The following AGO3 variants were observed in gnomAD, a reference collection of about 807,000 sequenced individuals.
The protein encoded by AGO3 is argonaute RISC catalytic component 3, also known as protein argonaute-3.
In AGO3, 16 loss-of-function variants were observed where a neutral mutation model predicts 105.5. The ratio of observed to expected loss-of-function variants is 0.15; its 90% CI spans 0.10 to 0.23. The LOEUF (loss-of-function observed/expected upper bound fraction) is 0.23. Ranked by LOEUF, AGO3 falls within the 10% of genes least tolerant of loss-of-function variation. AGO3 has a pLI of 1.00. For missense variants in AGO3, 534 were observed against 1,088.0 expected (o/e 0.49, Z 7.16); for synonymous variants, 340 against 367.3 (o/e 0.93, Z 0.85).
At chr1:35,950,209 G>C (rs755103703) in intron 2 of AGO3, among the ~76,000 whole-genome samples, 19 of 150,220 alleles carry the variant, frequency 1.3e-4, no homozygotes, top group Non-Finnish European at 2.1e-4. Context: ...AACAGAGTAA[G>C]ACTCCGTCTC....
chr1:35,969,960 A>G (rs1383695038), intron 3 of AGO3, among the ~76,000 whole-genome samples: 1 of 152,228 alleles, frequency 6.6e-6, no homozygotes, highest in Non-Finnish European at 1.5e-5. Context: ...ATTATAATCT[A>G]ATGGGACCAC....
chr1:36,013,565 T>C, intron 9 of AGO3, 65 bp from the exon 10 acceptor site: 2 of 1,595,350 alleles, frequency 1.3e-6, no homozygotes, highest in Non-Finnish European at 1.7e-6. Context: ...AAGAGGGTTC[T>C]AATGCATTAA....
chr1:35,943,426 C>A lies in AGO3; in HGVS notation c.20-2266C>A, dbSNP rs1415515753. 4.7e-5 allele frequency among the ~76,000 whole-genome samples: 7 copies of A among 149,654 alleles called. No individual in the cohort carries two copies. In the East Asian group the frequency reaches 1.4e-3, roughly 30 times the overall value. On this transcript the variant is annotated intron_variant, in intron 1 of 18. Coordinates refer to ENST00000373191, the MANE Select transcript of AGO3 (RefSeq NM_024852.4). Reference sequence around the variant, plus strand: ...AAGCAGTTCTGTCATCCCAGCCTCCCAGGTATCTGGGATTACAGGTGCCTG... The same window carrying A: ...AAGCAGTTCTGTCATCCCAGCCTCCAAGGTATCTGGGATTACAGGTGCCTG...
intron 9 of AGO3, 57 bp from the exon 10 acceptor site, chr1:36,013,573 T>TA: frequency 6.2e-7 from 1 of 1,605,444 alleles, no homozygotes; most frequent in African/African-American, 1.3e-5. Context: ...TCTAATGCAT[T>TA]AAAGTAGGGG....
intron 5 of AGO3, among the ~76,000 whole-genome samples, chr1:35,996,896 A>G (rs1227536895): frequency 6.6e-6 from 1 of 152,256 alleles, no homozygotes; most frequent in Non-Finnish European, 1.5e-5. Context: ...TAGATTGACT[A>G]AATTTAAAAG....
At position 35,931,263 on chromosome 1, in the gene AGO3, C is replaced by T; in HGVS notation, c.-164C>T. 1 of 513,654 alleles carries T rather than the reference C, an allele frequency of 1.9e-6. No individual in the cohort carries two copies. 31.8% of individuals were successfully genotyped at this position (513,654 alleles called of 1,614,324 possible). A position where few individuals can be genotyped will look rare whatever the true frequency, so the allele number is the denominator to read the frequency against. ...GTTTTCCGTCCGCGACTCTTCCGGC[C>T]CAGAGCTTTCGGAGTGCGGTTGCTC... On this transcript the variant is annotated 5_prime_UTR_variant, in exon 1 of 19. Transcript: ENST00000373191.
intron 17 of AGO3, among the ~76,000 whole-genome samples, chr1:36,052,856 A>T (rs1466761002): frequency 2.6e-5 from 4 of 152,108 alleles, no homozygotes; most frequent in Non-Finnish European, 5.9e-5. Flanking sequence ...TATAAAAAAT[A>T]AAAAAATTAG....
intron 9 of AGO3, among the ~76,000 whole-genome samples, chr1:36,012,458 T>C (rs776991589): frequency 2.6e-5 from 4 of 152,146 alleles, no homozygotes; most frequent in Non-Finnish European, 5.9e-5. Flanking sequence ...ATGAAGTTCT[T>C]TGATTATATG....
chr1:36,010,932 G>A (rs1302710768), intron 9 of AGO3, among the ~76,000 whole-genome samples: 4 of 150,298 alleles, frequency 2.7e-5, no homozygotes, highest in Non-Finnish European at 4.4e-5. Flanking sequence ...AGAGAGAGAG[G>A]GAGGGAGGGA....
chr1:35,948,002 G>GT (rs1466849231), intron 2 of AGO3, among the ~76,000 whole-genome samples: 2 of 152,136 alleles, frequency 1.3e-5, no homozygotes, highest in Non-Finnish European at 2.9e-5. Flanking sequence ...GCTGCAGTGT[G>GT]TTGTGATTGT....
rs183319715 is a variant in AGO3, at chr1:36,069,010, C to A, written c.*13265C>A. 4 of 152,208 alleles carry A rather than the reference C, an allele frequency of 2.6e-5. No homozygotes were observed. The highest frequency in any genetic ancestry group is 6.5e-5 in the Admixed American group (1 of 15,276). The allele number at this position is 152,208 out of a possible 1,614,324, so 9.4% of individuals were successfully genotyped here. The stretch of plus-strand genomic sequence containing the variant: ...TAATAGGTCTCCCACTGATTTGCTC[C>A]GTGTCCTTAGGCAATTCGTTTAATC... On this transcript the variant is annotated 3_prime_UTR_variant, in exon 19 of 19. Transcript: ENST00000373191.
intron 2 of AGO3, among the ~76,000 whole-genome samples, chr1:35,950,058 TA>T (rs1389587926): frequency 6.6e-6 from 1 of 152,038 alleles, no homozygotes; most frequent in Non-Finnish European, 1.5e-5. Flanking sequence ...CCGTCTCTAC[TA>T]AAAGTACAAA....
At chr1:36,013,809 A>G (rs1640741302) in intron 10 of AGO3, 57 bp downstream of exon 10, 2 of 1,602,896 alleles carry the variant, frequency 1.2e-6, no homozygotes, top group Admixed American at 1.7e-5. Flanking sequence ...GTATGAAGAG[A>G]AAGGCATATC....
intron 3 of AGO3, among the ~76,000 whole-genome samples, chr1:35,969,767 A>G (rs972275697): frequency 2.0e-5 from 3 of 152,160 alleles, no homozygotes; most frequent in Admixed American, 2.0e-4. Context: ...ACACACATAC[A>G]CCATATAATA....
In AGO3 at chr1:36,019,987, G is replaced by A. The variant is rs938510614; in HGVS notation, c.1406+5939G>A. Among the ~76,000 whole-genome samples, 4 of 152,156 alleles carry A rather than the reference G, an allele frequency of 2.6e-5. No homozygotes were observed. The South Asian group carries it at 8.3e-4, about 32-fold the overall frequency. On this transcript the variant is annotated intron_variant, in intron 11 of 18. Transcript: ENST00000373191. The stretch of plus-strand genomic sequence containing the variant: ...GGCTTTCACCGTGTTGGCCCAGGTG[G>A]TCTAAAACTCCTGACCTCAGGTGAT...
At position 36,060,557 on chromosome 1, in the gene AGO3, T is replaced by C. The variant is rs991028126; in HGVS notation, c.*4812T>C. The C allele has an allele frequency of 2.0e-5, 3 of 152,248 alleles. No homozygotes were observed. The highest frequency in any genetic ancestry group is 2.9e-5 in the Non-Finnish European group (2 of 68,038). The allele number at this position is 152,248 out of a possible 1,614,324, so 9.4% of individuals were successfully genotyped here. On this transcript the variant is annotated 3_prime_UTR_variant, in exon 19 of 19. Coordinates refer to ENST00000373191, the MANE Select transcript of AGO3 (RefSeq NM_024852.4). ...AAACGACTTCGATACAGCTAGAATATGTTGCAGTCTTCCTATTTCAAACTT... is the reference window on the plus strand; with the variant it reads ...AAACGACTTCGATACAGCTAGAATACGTTGCAGTCTTCCTATTTCAAACTT...
At chr1:36,012,915 A>AG (rs1640690151) in intron 9 of AGO3, among the ~76,000 whole-genome samples, 2 of 151,846 alleles carry the variant, frequency 1.3e-5, no homozygotes, top group Non-Finnish European at 2.9e-5. Flanking sequence ...TAAAAAAAAA[A>AG]AAGTTTTATT....
chr1:36,050,459 C>G (rs1642661404), intron 17 of AGO3, among the ~76,000 whole-genome samples: 1 of 151,876 alleles, frequency 6.6e-6, no homozygotes, highest in African/African-American at 2.4e-5. Context: ...GCACTCCAGC[C>G]TGGGCGACAG....
intron 2 of AGO3, among the ~76,000 whole-genome samples, chr1:35,954,714 A>G (rs1646533514): frequency 6.6e-6 from 1 of 152,244 alleles, no homozygotes; most frequent in Admixed American, 6.5e-5. Flanking sequence ...AAAGTTTTAA[A>G]TTCCATATGG....
Sources: allele counts gnomAD v4.1 joint callset (sites outside exome capture counted in the v4.1 genomes callset), GRCh38; gene constraint gnomAD v4.1.1; transcripts MANE v1.5; gene names NCBI Gene and HGNC (gene_info 2026-07-23, HGNC 2026-07-21).